Variants in MAPRE2 observed in about 807,000 individuals in gnomAD.
MAPRE2 encodes the protein microtubule associated protein RP/EB family member 2, also known as microtubule-associated protein RP/EB family member 2.
MAPRE2 carries 13 observed loss-of-function variants against 43.2 expected under a neutral mutation model. That is an observed-to-expected ratio of 0.30 (90% CI 0.20 to 0.48). The LOEUF (loss-of-function observed/expected upper bound fraction) is 0.48. MAPRE2 is among the 20% of genes least tolerant of loss of function. The pLI, the probability that MAPRE2 is intolerant of heterozygous loss-of-function variation, is 0.99. For synonymous variants in MAPRE2, 135 were observed against 148.8 expected (o/e 0.91, Z 0.68); for missense variants, 161 against 400.2 (o/e 0.40, Z 5.10).
chr18:35,050,542 C>G (rs1448847476), intron 1 of MAPRE2, among the ~76,000 whole-genome samples: 1 of 152,200 alleles, frequency 6.6e-6, no homozygotes, highest in Non-Finnish European at 1.5e-5. Flanking sequence ...TTAGTATGCT[C>G]TGTGAATCTT....
At chr18:34,982,043 C>T (rs2097016682) in intron 1 of MAPRE2, among the ~76,000 whole-genome samples, 1 of 151,846 alleles carries the variant, frequency 6.6e-6, no homozygotes, top group South Asian at 2.1e-4. Flanking sequence ...GCCACCACAC[C>T]TGGCTAATTT....
At chr18:35,119,860 G>A (rs1159491643) in intron 4 of MAPRE2, among the ~76,000 whole-genome samples, 1 of 152,142 alleles carries the variant, frequency 6.6e-6, no homozygotes, top group Admixed American at 6.5e-5. Context: ...GCTGTTTTTA[G>A]TAGTATCTAG....
chr18:35,007,609 C>A (rs1185057179), intron 2 of MAPRE2, among the ~76,000 whole-genome samples: 1 of 152,210 alleles, frequency 6.6e-6, no homozygotes, highest in Non-Finnish European at 1.5e-5. Context: ...ACTTGGCCTG[C>A]AGGCCATCAT....
chr18:35,068,657 C>T (rs1906957320), intron 1 of MAPRE2, among the ~76,000 whole-genome samples: 1 of 152,178 alleles, frequency 6.6e-6, no homozygotes, highest in Admixed American at 6.5e-5. Context: ...ACCTGTATCT[C>T]AGGGTACCTC....
intron 6 of MAPRE2, among the ~76,000 whole-genome samples, chr18:35,135,686 C>T (rs1443843208): frequency 2.0e-5 from 3 of 152,250 alleles, no homozygotes; most frequent in Admixed American, 2.0e-4. Context: ...CCCCACTGTG[C>T]TTTCCCCTGA....
At chr18:35,009,343 G>A (rs548658295) in intron 2 of MAPRE2, among the ~76,000 whole-genome samples, 1 of 152,256 alleles carries the variant, frequency 6.6e-6, no homozygotes, top group South Asian at 2.1e-4. Context: ...TAGGGATATA[G>A]AGGTGACCAA....
intron 2 of MAPRE2, among the ~76,000 whole-genome samples, chr18:35,025,738 C>A (rs1424960799): frequency 6.6e-6 from 1 of 152,188 alleles, no homozygotes; most frequent in African/African-American, 2.4e-5. Flanking sequence ...TTCCACTGAA[C>A]ATAGTCCAGT....
At chr18:35,112,172 TTTCC>T (rs1388238627) in intron 4 of MAPRE2, among the ~76,000 whole-genome samples, 7 of 151,920 alleles carry the variant, frequency 4.6e-5, no homozygotes, top group Non-Finnish European at 7.4e-5. Flanking sequence ...TCTTTCTTTC[TTTCC>T]TTCCTTCCTT....
intron 2 of MAPRE2, among the ~76,000 whole-genome samples, chr18:35,083,024 AT>A (rs930571259): frequency 6.6e-6 from 1 of 152,186 alleles, no homozygotes; most frequent in African/African-American, 2.4e-5. Context: ...TTTGTTTAAC[AT>A]TGCTAAATAA....
At chr18:35,040,021 C>T (rs540640965), upstream of MAPRE2, among the ~76,000 whole-genome samples, 24 of 152,214 alleles carry the variant, frequency 1.6e-4, no homozygotes, top group Non-Finnish European at 2.8e-4. Flanking sequence ...CTGAGCAACT[C>T]GGTGAAACCC....
At chr18:35,032,366 G>T (rs1262222032) in intron 2 of MAPRE2, among the ~76,000 whole-genome samples, 1 of 152,124 alleles carries the variant, frequency 6.6e-6, no homozygotes, top group Non-Finnish European at 1.5e-5. Flanking sequence ...GTGATGAGTA[G>T]GTGTTTCTGG....
At chr18:35,008,949 GGT>G (rs149672856) in intron 2 of MAPRE2, among the ~76,000 whole-genome samples, 3 of 148,736 alleles carry the variant, frequency 2.0e-5, no homozygotes, top group African/African-American at 4.9e-5. Context: ...AGTGTTTTGG[GGT>G]GTGTGTGTGT....
intron 5 of MAPRE2, 114 bp from the exon 6 acceptor site, chr18:35,131,918 G>C (rs1219870542): frequency 9.2e-7 from 1 of 1,087,066 alleles, no homozygotes. Flanking sequence ...TTACACATTG[G>C]TTATTTCTGC....
intron 2 of MAPRE2, among the ~76,000 whole-genome samples, chr18:35,081,302 G>A (rs1423367002): frequency 4.6e-5 from 7 of 152,060 alleles, no homozygotes; most frequent in Non-Finnish European, 1.5e-5. Context: ...ACTGATTTGG[G>A]ATCCTTCTGA....
chr18:34,988,030 G>A (rs962451571), intron 1 of MAPRE2, among the ~76,000 whole-genome samples: 2 of 152,116 alleles, frequency 1.3e-5, no homozygotes, highest in African/African-American at 4.8e-5. Context: ...CTGTAAATTA[G>A]GTGGATCATA....
At chr18:35,106,595 C>T (rs1345731596) in intron 4 of MAPRE2, among the ~76,000 whole-genome samples, 20 of 152,008 alleles carry the variant, frequency 1.3e-4, no homozygotes, top group Admixed American at 1.3e-3. Context: ...CTTGGTGCAT[C>T]CTGTTTTTTT....
rs1045860120 is a variant in MAPRE2 at position 35,097,702 on chromosome 18, A to G, written c.396+111A>G. 33 of 909,056 alleles carry G rather than the reference A, an allele frequency of 3.6e-5. No individual in the cohort carries two copies. In the South Asian group the frequency reaches 5.4e-4, roughly 15 times the overall value. 56.3% of individuals were successfully genotyped at this position (909,056 alleles called of 1,614,324 possible). On this transcript the variant is annotated intron_variant, in intron 3 of 6. Coordinates refer to ENST00000300249, the MANE Select transcript of MAPRE2 (RefSeq NM_014268.4). ...ATGGGATATATCTTGATATCCCAAC[A>G]GTAGGCTGGGGTCTGTACCTAGCAT...
chr18:34,987,218 T>C (rs1049566762), intron 1 of MAPRE2, among the ~76,000 whole-genome samples: 3 of 152,234 alleles, frequency 2.0e-5, no homozygotes, highest in African/African-American at 7.2e-5. Flanking sequence ...TTAGTTCAAG[T>C]AGGGCTAACA....
intron 4 of MAPRE2, among the ~76,000 whole-genome samples, chr18:35,109,938 G>A (rs747554304): frequency 6.6e-6 from 1 of 151,970 alleles, no homozygotes; most frequent in African/African-American, 2.4e-5. Context: ...GATTTTTAAA[G>A]TATTTTTTAG....
Sources: gnomAD v4.1 joint callset for allele counts (sites outside exome capture counted in the v4.1 genomes callset) on GRCh38, gnomAD v4.1.1 for gene constraint, MANE v1.5 for transcripts, NCBI Gene and HGNC (gene_info 2026-07-23, HGNC 2026-07-21) for gene names.